SLC2A5: variants seen among roughly 807,000 people sequenced by gnomAD.
SLC2A5 encodes the protein solute carrier family 2 member 5.
SLC2A5 carries 56 observed loss-of-function variants against 50.3 expected under a neutral mutation model. The observed-to-expected ratio is 1.11, with a 90% confidence interval of 0.90 to 1.39. The LOEUF is 1.39. Ranked by LOEUF, SLC2A5 falls within the 40% of genes most tolerant of loss-of-function variation. SLC2A5 has a pLI of 0.00. For synonymous variants in SLC2A5, 269 were observed against 281.9 expected (o/e 0.95, Z 0.46); for missense variants, 566 against 650.1 (o/e 0.87, Z 1.41).
At chr1:9,073,197 C>T (rs769575451), upstream of SLC2A5, 1 of 152,212 alleles carries the variant, frequency 6.6e-6, no homozygotes, top group Non-Finnish European at 1.5e-5. Context: ...TTGCCACGGG[C>T]CTCTTTTGTA....
intron 2 of SLC2A5, 27 bp from the exon 3 acceptor site, chr1:9,057,635 C>T (rs918122213): frequency 1.3e-6 from 2 of 1,599,714 alleles, no homozygotes; most frequent in African/African-American, 2.7e-5. Flanking sequence ...AACAGAACAC[C>T]AAAATAATTT....
upstream of SLC2A5, among the ~76,000 whole-genome samples, chr1:9,092,459 C>T (rs141220920): frequency 6.0e-3 from 915 of 152,256 alleles, 5 homozygotes; most frequent in African/African-American, 0.021. Flanking sequence ...AGTTAAAAGC[C>T]ATTTCCCATC....
chr1:9,037,412 C>T lies in SLC2A5; in HGVS notation c.*174G>A. The T allele has an allele frequency of 1.7e-6, 1 of 605,484 alleles. No individual in the cohort carries two copies. The highest frequency in any genetic ancestry group is 2.9e-6 in the Non-Finnish European group (1 of 343,420). 37.5% of individuals were successfully genotyped at this position (605,484 alleles called of 1,614,324 possible). On this transcript the variant is annotated 3_prime_UTR_variant, in exon 12 of 12. Transcript: ENST00000377424. ...GAGAGAGACAGCCCAGCTTCAAGAA[C>T]AGCAAGGCAGCCCTTTGCACAGTTC... is the stretch of plus-strand genomic sequence containing the variant.
intron 9 of SLC2A5, 98 bp from the exon 10 acceptor site, chr1:9,038,604 G>A (rs1345896073): frequency 8.0e-7 from 1 of 1,255,718 alleles, no homozygotes; most frequent in Non-Finnish European, 1.1e-6. Context: ...GATGGCACCT[G>A]GCTCCTCCCC....
Position 9,041,502 on chromosome 1 carries a change from A to G in SLC2A5, c.571+283T>C, listed in dbSNP as rs1641300666. On this transcript the variant is annotated intron_variant, in intron 5 of 11. Coordinates refer to ENST00000377424, the MANE Select transcript of SLC2A5 (RefSeq NM_003039.3). ...TCATTGCTATGCCACGGGCCTCCAT[A>G]TGGACAGCTGCTGAGCAGGCAGGGA... 3.8e-6 allele frequency: 5 copies of G among 1,329,372 alleles called. No homozygotes were observed. In the East Asian group the frequency reaches 1.1e-4, roughly 30 times the overall value. The allele number at this position is 1,329,372 out of a possible 1,614,324, so 82.3% of individuals were successfully genotyped here.
chr1:9,059,536 CTTTT>C (rs58395185), intron 1 of SLC2A5, among the ~76,000 whole-genome samples: 4,664 of 98,374 alleles, frequency 0.047, 135 homozygotes, highest in Middle Eastern at 0.21. Flanking sequence ...TACAGAGAAT[CTTTT>C]TTTTTTTTTT....
intron 3 of SLC2A5, among the ~76,000 whole-genome samples, chr1:9,056,489 G>A (rs566358457): frequency 2.6e-5 from 4 of 152,012 alleles, no homozygotes; most frequent in Non-Finnish European, 5.9e-5. Flanking sequence ...CCAGCTGTGT[G>A]TTTTTATTCT....
At chr1:9,052,505 C>A (rs1212183268) in intron 3 of SLC2A5, among the ~76,000 whole-genome samples, 5 of 151,968 alleles carry the variant, frequency 3.3e-5, no homozygotes, top group Admixed American at 3.3e-4. Flanking sequence ...TTGTCAAAAC[C>A]CATAGAATGC....
chr1:9,090,602 G>A (rs1457374425), upstream of SLC2A5, among the ~76,000 whole-genome samples: 1 of 152,174 alleles, frequency 6.6e-6, no homozygotes, highest in African/African-American at 2.4e-5. Context: ...ATAACCTCCT[G>A]TCATGAATTC....
chr1:9,052,606 G>A (rs924241226), intron 3 of SLC2A5, among the ~76,000 whole-genome samples: 2 of 152,172 alleles, frequency 1.3e-5, no homozygotes, highest in Non-Finnish European at 2.9e-5. Context: ...CAAATACAGC[G>A]CTCTGGTGAG....
intron 1 of SLC2A5, among the ~76,000 whole-genome samples, chr1:9,066,195 A>G (rs1482893046): frequency 6.6e-6 from 1 of 152,004 alleles, no homozygotes; most frequent in African/African-American, 2.4e-5. Flanking sequence ...GCACTTCGGC[A>G]TCTTTTTATT....
intron 1 of SLC2A5, among the ~76,000 whole-genome samples, chr1:9,067,126 G>A (rs558626713): frequency 1.3e-5 from 2 of 152,196 alleles, no homozygotes; most frequent in South Asian, 2.1e-4. Context: ...TGTAGCCTTC[G>A]CCTGCCCCCG....
chr1:9,046,421 A>ATT (rs1641434756), intron 4 of SLC2A5, among the ~76,000 whole-genome samples: 1 of 152,124 alleles, frequency 6.6e-6, no homozygotes, highest in African/African-American at 2.4e-5. Flanking sequence ...TTAGGAAAAA[A>ATT]CACCTCCCAG....
chr1:9,068,051 G>T (rs1252929459), intron 1 of SLC2A5, among the ~76,000 whole-genome samples: 1 of 151,848 alleles, frequency 6.6e-6, no homozygotes, highest in African/African-American at 2.4e-5. Flanking sequence ...TTAGCCGGGT[G>T]TGGTGGTGCA....
intron 1 of SLC2A5, among the ~76,000 whole-genome samples, chr1:9,066,206 G>C (rs1642077806): frequency 6.6e-6 from 1 of 152,072 alleles, no homozygotes; most frequent in South Asian, 2.1e-4. Context: ...TCTTTTTATT[G>C]AGGTGGGGAA....
Position 9,036,140 on chromosome 1 carries a change from A to G in SLC2A5, c.*1446T>C, listed in dbSNP as rs1641129375. Reference sequence around the variant, plus strand: ...TTAAGACTCCTCAAGATTTCATTACATATGTGAGGACATTTGGAAGCTTCC... The same window carrying G: ...TTAAGACTCCTCAAGATTTCATTACGTATGTGAGGACATTTGGAAGCTTCC... On this transcript the variant is annotated 3_prime_UTR_variant, in exon 12 of 12. Coordinates refer to ENST00000377424, the MANE Select transcript of SLC2A5 (RefSeq NM_003039.3). The G allele has an allele frequency of 6.6e-6, 1 of 152,154 alleles. No individual in the cohort carries two copies. Among genetic ancestry groups the G allele is most frequent in the African/African-American group, 2.4e-5 (1 of 41,422 alleles). 9.4% of individuals were successfully genotyped at this position (152,154 alleles called of 1,614,324 possible). A position where few individuals can be genotyped will look rare whatever the true frequency, so the allele number is the denominator to read the frequency against.
intron 1 of SLC2A5, among the ~76,000 whole-genome samples, chr1:9,067,421 A>T (rs1234807440): frequency 6.6e-6 from 1 of 152,108 alleles, no homozygotes; most frequent in East Asian, 1.9e-4. Flanking sequence ...GCAATGTGTT[A>T]CTCAGTTTCA....
intron 1 of SLC2A5, among the ~76,000 whole-genome samples, chr1:9,065,408 C>T (rs1642054617): frequency 6.6e-6 from 1 of 152,220 alleles, no homozygotes; most frequent in Non-Finnish European, 1.5e-5. Flanking sequence ...GTCAGAGAGA[C>T]ATTCTCTCAG....
At chr1:9,070,159 C>T (rs1642186159), upstream of SLC2A5, among the ~76,000 whole-genome samples, 1 of 134,800 alleles carries the variant, frequency 7.4e-6, no homozygotes, top group South Asian at 2.6e-4. Flanking sequence ...CAGCTCACTA[C>T]AACCTCCGCC....
Sources: gnomAD v4.1 joint callset for allele counts (sites outside exome capture counted in the v4.1 genomes callset) on GRCh38, gnomAD v4.1.1 for gene constraint, MANE v1.5 for transcripts, NCBI Gene and HGNC (gene_info 2026-07-23, HGNC 2026-07-21) for gene names.